FOXN3: variants seen among roughly 807,000 people sequenced by gnomAD.
The protein encoded by FOXN3 is forkhead box protein N3.
Under a neutral mutation model 38.4 loss-of-function variants are expected in FOXN3, and 7 were observed. The observed-to-expected ratio is 0.18, with a 90% CI of 0.10 to 0.34. FOXN3 has a LOEUF of 0.34. Among genes scored for constraint, FOXN3 ranks in the 10% least tolerant of loss-of-function variants. The pLI is 1.00. For synonymous variants in FOXN3, 230 were observed against 242.2 expected (o/e 0.95, Z 0.47); for missense variants, 456 against 613.4 (o/e 0.74, Z 2.71).
intron 4 of FOXN3, among the ~76,000 whole-genome samples, chr14:89,240,964 C>T (rs758348252): frequency 1.2e-4 from 19 of 152,150 alleles, no homozygotes; most frequent in Non-Finnish European, 2.6e-4. Context: ...ATTCCCTCTA[C>T]GCCTCACTCA....
chr14:89,300,581 T>C (rs1566950651), intron 3 of FOXN3, among the ~76,000 whole-genome samples: 1 of 152,242 alleles, frequency 6.6e-6, no homozygotes, highest in African/African-American at 2.4e-5. Context: ...AACCTATTTG[T>C]GGAGAAATTG....
intron 3 of FOXN3, among the ~76,000 whole-genome samples, chr14:89,312,468 C>T (rs2139961460): frequency 6.6e-6 from 1 of 151,844 alleles, no homozygotes; most frequent in Admixed American, 6.6e-5. Context: ...CTGACAAGAC[C>T]CAGGGATGAC....
intron 1 of FOXN3, among the ~76,000 whole-genome samples, chr14:89,574,907 C>T (rs539029548): frequency 6.6e-6 from 1 of 152,204 alleles, no homozygotes; most frequent in Admixed American, 6.5e-5. Flanking sequence ...TCTATTTCTT[C>T]TGTATGTTGT....
At chr14:89,342,655 C>G (rs146013501) in intron 3 of FOXN3, among the ~76,000 whole-genome samples, 17 of 152,166 alleles carry the variant, frequency 1.1e-4, no homozygotes, top group African/African-American at 3.4e-4. Flanking sequence ...AGTGCTACCA[C>G]TTTGAAAGCC....
chr14:89,492,038 C>T lies in FOXN3; in HGVS notation c.-14-79548G>A, dbSNP rs561720772. On this transcript the variant is annotated intron_variant, in intron 1 of 6. Transcript: ENST00000345097. ...TGAAAAACATACACAAACGTCCTGA[C>T]TGTTGGAAAGGCCTGCTCCAGCACT... Among the ~76,000 whole-genome samples the T allele has an allele frequency of 8.5e-4, 129 of 152,262 alleles. 2 individuals are homozygous for T. Among genetic ancestry groups the T allele is most frequent in the African/African-American group, 2.8e-3 (118 of 41,548 alleles).
At chr14:89,591,779 A>G (rs1158534688) in intron 1 of FOXN3, among the ~76,000 whole-genome samples, 1 of 152,068 alleles carries the variant, frequency 6.6e-6, no homozygotes, top group Non-Finnish European at 1.5e-5. Flanking sequence ...TTTAAAATGA[A>G]CCAGGAGTGG....
chr14:89,210,193 G>A (rs899979051), intron 4 of FOXN3, among the ~76,000 whole-genome samples: 1 of 152,196 alleles, frequency 6.6e-6, no homozygotes, highest in Non-Finnish European at 1.5e-5. Flanking sequence ...GGATCATGGA[G>A]GTGGATCTTC....
Position 89,359,654 on chromosome 14 carries a change from C to T in FOXN3, c.544-8846G>A, listed in dbSNP as rs1047481397. ...AGCTACTTGCTTTGAGTCATGTCTT[C>T]GTGCACACTGAGAGATGCTCCGGCC... On this transcript the variant is annotated intron_variant, in intron 2 of 5. Transcript: ENST00000557258. 5.9e-5 allele frequency among the ~76,000 whole-genome samples: 9 copies of T among 152,290 alleles called. No homozygotes were observed. The East Asian group carries it at 9.6e-4, about 16-fold the overall frequency.
chr14:89,250,136 G>A (rs1210650895), intron 4 of FOXN3, among the ~76,000 whole-genome samples: 1 of 152,286 alleles, frequency 6.6e-6, no homozygotes, highest in East Asian at 1.9e-4. Context: ...TTTCAGACAG[G>A]GTCTTGCTCT....
At chr14:89,376,550 C>A (rs1378850734) in intron 2 of FOXN3, among the ~76,000 whole-genome samples, 1 of 152,126 alleles carries the variant, frequency 6.6e-6, no homozygotes, top group Non-Finnish European at 1.5e-5. Context: ...CACACAGTGC[C>A]CAAGTATCTC....
At chr14:89,511,906 T>C (rs1894101916) in intron 1 of FOXN3, among the ~76,000 whole-genome samples, 1 of 151,996 alleles carries the variant, frequency 6.6e-6, no homozygotes, top group Non-Finnish European at 1.5e-5. Context: ...AACCATCAGA[T>C]CTCATGAGCA....
At chr14:89,181,732 G>A (rs922228143) in intron 4 of FOXN3, among the ~76,000 whole-genome samples, 45 of 152,196 alleles carry the variant, frequency 3.0e-4, no homozygotes, top group Non-Finnish European at 7.3e-5. Context: ...GAGAACCGCA[G>A]GGAATCCCTG....
At chr14:89,188,552 G>A (rs1474127418) in intron 4 of FOXN3, among the ~76,000 whole-genome samples, 3 of 152,166 alleles carry the variant, frequency 2.0e-5, no homozygotes, top group African/African-American at 7.2e-5. Flanking sequence ...GTACTGCTCC[G>A]GTCCATTACG....
At chr14:89,352,983 G>A (rs1013670078) in intron 2 of FOXN3, among the ~76,000 whole-genome samples, 8 of 152,144 alleles carry the variant, frequency 5.3e-5, no homozygotes, top group South Asian at 2.1e-4. Flanking sequence ...ACAGTGAAAC[G>A]CCATCTCAAA....
rs1331814936 is a variant in FOXN3 at position 89,360,771 on chromosome 14, A to T, written c.544-9963T>A. ...CTCCACCACCACCTCCACCACTACCACCTCCACCACCACCTCCACCACCAC... is the reference window on the plus strand; with the variant it reads ...CTCCACCACCACCTCCACCACTACCTCCTCCACCACCACCTCCACCACCAC... On this transcript the variant is annotated intron_variant, in intron 2 of 5. Coordinates refer to ENST00000557258, the MANE Select transcript of FOXN3 (RefSeq NM_005197.4). Among the ~76,000 whole-genome samples, 42 of 84,290 alleles carry T rather than the reference A, an allele frequency of 5.0e-4. 1 individual carries two copies. Among genetic ancestry groups the T allele is most frequent in the Middle Eastern group, 0.013 (2 of 154 alleles). The allele number at this position is 84,290 out of a possible 152,430, so 55.3% of individuals were successfully genotyped here.
At chr14:89,367,493 A>G (rs1162951678) in intron 2 of FOXN3, among the ~76,000 whole-genome samples, 1 of 152,170 alleles carries the variant, frequency 6.6e-6, no homozygotes, top group Non-Finnish European at 1.5e-5. Context: ...TGGGTAAGAT[A>G]TGGACAAAGC....
intron 1 of FOXN3, among the ~76,000 whole-genome samples, chr14:89,461,285 C>T (rs779116196): frequency 2.6e-5 from 4 of 150,980 alleles, no homozygotes; most frequent in Admixed American, 1.3e-4. Flanking sequence ...TGCATTGAGC[C>T]GAGATCACAC....
At chr14:89,588,017 C>G (rs1895879225) in intron 1 of FOXN3, among the ~76,000 whole-genome samples, 1 of 152,034 alleles carries the variant, frequency 6.6e-6, no homozygotes, top group Non-Finnish European at 1.5e-5. Context: ...TTGTAATCCC[C>G]AGTGTTGGAG....
intron 2 of FOXN3, among the ~76,000 whole-genome samples, chr14:89,367,908 A>G (rs538465854): frequency 3.9e-5 from 6 of 152,294 alleles, no homozygotes; most frequent in Admixed American, 3.9e-4. Flanking sequence ...CAACCCAAGC[A>G]TCGTATCTTC....
Sources: allele counts gnomAD v4.1 joint callset (sites outside exome capture counted in the v4.1 genomes callset), GRCh38; gene constraint gnomAD v4.1.1; transcripts MANE v1.5; gene names NCBI Gene and HGNC (gene_info 2026-07-23, HGNC 2026-07-21).